Variants in ERGIC2 observed in about 807,000 individuals in gnomAD.
ERGIC2 encodes ERGIC and golgi 2.
ERGIC2 carries 31 observed loss-of-function variants against 52.5 expected under a neutral mutation model. The ratio of observed to expected loss-of-function variants is 0.59; its 90% confidence interval spans 0.44 to 0.80. The LOEUF is 0.80. ERGIC2 is among the 30% of genes least tolerant of loss of function. ERGIC2 has a pLI of 0.00. For missense variants in ERGIC2, 395 were observed against 455.2 expected, an observed-to-expected ratio of 0.87 and a Z score of 1.20; for synonymous variants, 129 against 140.6, an observed-to-expected ratio of 0.92 and a Z score of 0.58.
chr12:29,341,590 C>G, intron 13 of ERGIC2, 144 bp downstream of exon 13: 1 of 608,502 alleles, frequency 1.6e-6, no homozygotes, highest in Non-Finnish European at 3.0e-6. Flanking sequence ...CTTGACTGGT[C>G]TCAAACTCCT....
At chr12:29,356,885 T>C (rs551122471) in intron 7 of ERGIC2, among the ~76,000 whole-genome samples, 1 of 152,212 alleles carries the variant, frequency 6.6e-6, no homozygotes, top group Non-Finnish European at 1.5e-5. Flanking sequence ...AAAGAGACAG[T>C]GACATTTTCT....
At chr12:29,373,533 G>A (rs1159592859) in intron 1 of ERGIC2, among the ~76,000 whole-genome samples, 2 of 152,050 alleles carry the variant, frequency 1.3e-5, no homozygotes, top group Non-Finnish European at 2.9e-5. Context: ...AGAAAAAGAA[G>A]GGCCAGAGAA....
chr12:29,370,098 G>GA lies in ERGIC2; in HGVS notation c.215+15dup, dbSNP rs759518875. 50 of 1,486,472 alleles carry GA rather than the reference G, an allele frequency of 3.4e-5. No individual in the cohort carries two copies. Among genetic ancestry groups the GA allele is most frequent in the South Asian group, 3.3e-4 (23 of 70,282 alleles). The allele number at this position is 1,486,472 out of a possible 1,614,324, so 92.1% of individuals were successfully genotyped here. The stretch of plus-strand genomic sequence containing the variant: ...TTTGAATCTAAAGGTATTCCAAGAA[G>GA]AAAAAAAATGATTACCTAGAAAAAT... On this transcript the variant is annotated intron_variant, in intron 3 of 13. Transcript: ENST00000360150.
At position 29,339,149 on chromosome 12, in the gene ERGIC2, CA is replaced by C. The variant is rs1484249508; in HGVS notation, c.*2006del. 1.3e-5 allele frequency: 2 copies of C among 152,012 alleles called. No homozygotes were observed. The highest frequency in any genetic ancestry group is 2.9e-5 in the Non-Finnish European group (2 of 67,962). The allele number at this position is 152,012 out of a possible 1,614,324, so 9.4% of individuals were successfully genotyped here. ...AGCCTTTAACTTTTAAAATGGAAATCAAAGGCAAAGCAGAATTTTGCTTTAA... is the reference window on the plus strand; with the variant it reads ...AGCCTTTAACTTTTAAAATGGAAATCAAGGCAAAGCAGAATTTTGCTTTAA... On this transcript the variant is annotated 3_prime_UTR_variant, in exon 14 of 14. Transcript: ENST00000360150.
chr12:29,378,882 G>A (rs1940549663), intron 1 of ERGIC2, among the ~76,000 whole-genome samples: 2 of 152,098 alleles, frequency 1.3e-5, no homozygotes, highest in Admixed American at 6.6e-5. Flanking sequence ...ATGGGCAGCA[G>A]GACATAATGG....
chr12:29,348,351 T>C (rs1940086426), intron 10 of ERGIC2, among the ~76,000 whole-genome samples: 1 of 152,064 alleles, frequency 6.6e-6, no homozygotes, highest in Non-Finnish European at 1.5e-5. Flanking sequence ...AGGATAGAAT[T>C]CCTACTAGCT....
chr12:29,351,123 T>A (rs1336859233), intron 8 of ERGIC2, among the ~76,000 whole-genome samples: 2 of 152,072 alleles, frequency 1.3e-5, no homozygotes, highest in Admixed American at 6.5e-5. Flanking sequence ...TAGGGCAAGA[T>A]GGAATATTCA....
chr12:29,358,595 T>A (rs567671575), intron 6 of ERGIC2, among the ~76,000 whole-genome samples: 108 of 152,260 alleles, frequency 7.1e-4, no homozygotes, highest in Middle Eastern at 6.8e-3. Context: ...CTGATGCAAG[T>A]TGTTGATAAT....
At chr12:29,355,491 T>G (rs1374824965) in intron 8 of ERGIC2, among the ~76,000 whole-genome samples, 1 of 152,166 alleles carries the variant, frequency 6.6e-6, no homozygotes, top group African/African-American at 2.4e-5. Flanking sequence ...AGTTCAGCAC[T>G]CTATATGGAA....
intron 8 of ERGIC2, among the ~76,000 whole-genome samples, chr12:29,356,082 C>T (rs1216461654): frequency 6.6e-6 from 1 of 151,676 alleles, no homozygotes; most frequent in Non-Finnish European, 1.5e-5. Flanking sequence ...AGTGCAGTGG[C>T]GCGATCTCGG....
chr12:29,365,873 G>A (rs1023324433), intron 5 of ERGIC2, among the ~76,000 whole-genome samples: 4 of 151,856 alleles, frequency 2.6e-5, no homozygotes, highest in African/African-American at 4.8e-5. Flanking sequence ...GTGGGAAAAC[G>A]AGTCAGAAAG....
chr12:29,366,952 A>G lies in ERGIC2; in HGVS notation c.263-5T>C, dbSNP rs755228409. On this transcript the variant is annotated splice_region_variant and splice_polypyrimidine_tract_variant and intron_variant, in intron 4 of 13. Transcript: ENST00000360150. Reference sequence around the variant, plus strand: ...CCAATACATCCGCTCCAACATCTGCATAGAAAAAAGAATTAGAAGTTTTAC... The same window carrying G: ...CCAATACATCCGCTCCAACATCTGCGTAGAAAAAAGAATTAGAAGTTTTAC... 3 of 1,587,368 alleles carry G rather than the reference A, an allele frequency of 1.9e-6. No homozygotes were observed. The highest frequency in any genetic ancestry group is 1.7e-5 in the Admixed American group (1 of 57,870).
intron 1 of ERGIC2, among the ~76,000 whole-genome samples, chr12:29,376,141 C>T (rs1336855059): frequency 1.3e-5 from 2 of 152,126 alleles, no homozygotes; most frequent in Non-Finnish European, 2.9e-5. Context: ...GCTCTTTAAA[C>T]ATTAATTCAT....
chr12:29,374,821 A>C (rs1289738146), intron 1 of ERGIC2, among the ~76,000 whole-genome samples: 6 of 152,200 alleles, frequency 3.9e-5, no homozygotes, highest in Non-Finnish European at 1.5e-5. Flanking sequence ...CATTGCTTCA[A>C]CAACCTCTAA....
intron 3 of ERGIC2, 82 bp from the exon 4 acceptor site, chr12:29,368,369 A>T: frequency 1.4e-6 from 1 of 732,366 alleles, no homozygotes; most frequent in South Asian, 1.7e-5. Context: ...ACCTATTAAA[A>T]ACTTGGATTT....
At chr12:29,351,843 A>G in intron 8 of ERGIC2, among the ~76,000 whole-genome samples, 1 of 152,104 alleles carries the variant, frequency 6.6e-6, no homozygotes, top group South Asian at 2.1e-4. Context: ...TCCATTTTTA[A>G]TTTTCTAATT....
At chr12:29,349,629 TC>T (rs549846057) in intron 9 of ERGIC2, among the ~76,000 whole-genome samples, 68 of 152,156 alleles carry the variant, frequency 4.5e-4, no homozygotes, top group African/African-American at 1.5e-3. Context: ...TGTTTTGTCC[TC>T]TAAAGCAGAC....
Position 29,361,633 on chromosome 12 carries a change from T to C in ERGIC2, c.374+12A>G, listed in dbSNP as rs1380833619. 3 of 1,596,314 alleles carry C rather than the reference T, an allele frequency of 1.9e-6. No homozygotes were observed. Among genetic ancestry groups the C allele is most frequent in the Non-Finnish European group, 2.6e-6 (3 of 1,170,298 alleles). ...GATTTCTATGGACCACAATACTTTG[T>C]TCTCTTATTACCTCTGCCACTCTTT... On this transcript the variant is annotated intron_variant, in intron 6 of 13. Transcript: ENST00000360150.
intron 8 of ERGIC2, among the ~76,000 whole-genome samples, chr12:29,354,949 C>A (rs531346332): frequency 6.6e-6 from 1 of 152,076 alleles, no homozygotes; most frequent in South Asian, 2.1e-4. Context: ...GGTAACAAAA[C>A]AACAAAACAT....
Sources: allele counts gnomAD v4.1 joint callset (sites outside exome capture counted in the v4.1 genomes callset), GRCh38; gene constraint gnomAD v4.1.1; transcripts MANE v1.5; gene names NCBI Gene and HGNC (gene_info 2026-07-23, HGNC 2026-07-21).